The following ISM2 variants were observed in gnomAD, a reference collection of about 807,000 sequenced individuals.
ISM2 encodes isthmin 2.
ISM2 carries 50 observed loss-of-function variants against 58.0 expected under a neutral mutation model. The ratio of observed to expected loss-of-function variants is 0.86; its 90% CI spans 0.69 to 1.09. The LOEUF is 1.09. Ranked by LOEUF, ISM2 falls within the 50% of genes least tolerant of loss-of-function variation. The pLI is 0.00. For synonymous variants in ISM2, 303 were observed against 312.4 expected, an observed-to-expected ratio of 0.97 and a Z score of 0.32; for missense variants, 723 against 745.0, an observed-to-expected ratio of 0.97 and a Z score of 0.34.
At chr14:77,492,378 T>A (rs1368908143) in intron 1 of ISM2, among the ~76,000 whole-genome samples, 1 of 152,076 alleles carries the variant, frequency 6.6e-6, no homozygotes, top group Admixed American at 6.6e-5. Context: ...AGTTTTCTCA[T>A]CCCTAAAATG....
rs1312201016 is a variant in ISM2 at position 77,476,089 on chromosome 14, G to T, written c.1222C>A (p.Leu408Met). The T allele has an allele frequency of 6.6e-7, 1 of 1,526,198 alleles. No individual in the cohort carries two copies. The highest frequency in any genetic ancestry group is 1.3e-5 in the South Asian group (1 of 79,296). The allele number at this position is 1,526,198 out of a possible 1,614,324, so 94.5% of individuals were successfully genotyped here. A position where few individuals can be genotyped will look rare whatever the true frequency, so the allele number is the denominator to read the frequency against. The change falls in exon 7 of 7, where the codon CTG becomes ATG. Residue 408 changes from leucine (L) to methionine (M), a missense_variant. Transcript: ENST00000342219. ...DQDVDSCEKW[L>M]NCKSDFLIKY... ...ATTAGGAAGTCGCTCTTGCAGTTCA[G>T]CCACTTCTCACAGCTGTCCACATCT... is the stretch of plus-strand genomic sequence containing the variant.
intron 1 of ISM2, 34 bp from the exon 2 acceptor site, chr14:77,484,953 T>A (rs1490503951): frequency 1.3e-6 from 2 of 1,525,804 alleles, no homozygotes; most frequent in Non-Finnish European, 1.8e-6. Context: ...AGGTAACAGG[T>A]CAGGGCTCAC....
chr14:77,482,406 G>T lies in ISM2; in HGVS notation c.889C>A (p.Leu297Ile). The change falls in exon 4 of 7, where the codon CTC (leucine) becomes ATC (isoleucine). Residue 297 changes from leucine to isoleucine, a missense_variant. Leu to Ile is a conservative substitution (Grantham distance 5). Coordinates refer to ENST00000342219, the MANE Select transcript of ISM2 (RefSeq NM_199296.3). ...TTGTCTGTAGTTCCATTGAACCAGA[G>T]CGCCTGCTCTTCCTCATCTTCCTCT... ...DKEEDEEEQA[L>I]WFNGTTDNWD... 1 of 1,614,176 alleles carries T rather than the reference G, an allele frequency of 6.2e-7. No homozygotes were observed. The highest frequency in any genetic ancestry group is 8.5e-7 in the Non-Finnish European group (1 of 1,180,026).
chr14:77,497,281 T>C (rs1185040365), intron 1 of ISM2, among the ~76,000 whole-genome samples: 1 of 145,518 alleles, frequency 6.9e-6, no homozygotes, highest in Non-Finnish European at 1.5e-5. Flanking sequence ...GGCAGGAGAA[T>C]AGCTTGAACT....
rs775089893 is a variant in ISM2 at position 77,475,726 on chromosome 14, G to A, written c.1585C>T (p.Pro529Ser). Residue 529 changes from proline to serine, a missense_variant, in exon 7 of 7, where the codon CCC (proline) becomes TCC (serine). Pro to Ser is a moderately conservative substitution (Grantham distance 74). Transcript: ENST00000342219. This position sits in a 1 kb window ranked among gnomAD's most constrained non-coding sequence, Gnocchi z 4.1. Reference protein sequence around the residue: ...PKLHFKFDTTPWILCKGDWSR... With the variant: ...PKLHFKFDTTSWILCKGDWSR... ...CAGTCCCCCTTGCACAGGATCCAGG[G>A]CGTCGTGTCGAACTTGAAGTGCAGC... The A allele has an allele frequency of 1.2e-6, 2 of 1,614,112 alleles. No homozygotes were observed. The highest frequency in any genetic ancestry group is 8.5e-7 in the Non-Finnish European group (1 of 1,180,038).
rs1485288813 is a variant in ISM2 at position 77,475,835 on chromosome 14, G to A, written c.1476C>T (p.Cys492=). ...GCAGCCGGCTGTCCTCGTCATAGCA[G>A]CAGTGCTGGGCGGCCAGTGTGCTGC... ...GESSTLAAQH[C]CYDEDSRLLT... Residue 492 remains cysteine, a synonymous_variant, in exon 7 of 7, where the codon TGC becomes TGT. Transcript: ENST00000342219. The surrounding 1 kb of genome is among the most constrained non-coding windows in gnomAD (Gnocchi z 4.1). 6.2e-7 allele frequency: 1 copy of A among 1,611,592 alleles called. No homozygotes were observed. Among genetic ancestry groups the A allele is most frequent in the East Asian group, 2.2e-5 (1 of 44,872 alleles).
At chr14:77,497,737 A>AGTAGGGAAGGAGGGAG in intron 1 of ISM2, among the ~76,000 whole-genome samples, 1 of 46,350 alleles carries the variant, frequency 2.2e-5, no homozygotes, top group South Asian at 1.0e-3. Flanking sequence ...GTAGGAAGGA[A>AGTAGGGAAGGAGGGAG]GGAGGGAGGG....
At chr14:77,498,484 C>G (rs2079262247) in intron 1 of ISM2, 169 bp downstream of exon 1, 2 of 1,210,326 alleles carry the variant, frequency 1.7e-6, no homozygotes, top group Admixed American at 2.2e-5. Context: ...TCCGGCGCAC[C>G]TGGGCAACGC....
chr14:77,482,259 C>T, intron 4 of ISM2, 63 bp downstream of exon 4: 2 of 1,296,424 alleles, frequency 1.5e-6, no homozygotes, highest in South Asian at 1.4e-5. Flanking sequence ...CTCTCCCTCA[C>T]CCCCATTTCC....
rs553778326 is a variant in ISM2 at position 77,497,679 on chromosome 14, G to C, written c.141+974C>G. On this transcript the variant is annotated intron_variant, in intron 1 of 6. Coordinates refer to ENST00000342219, the MANE Select transcript of ISM2 (RefSeq NM_199296.3). ...ACCGCACTCCAGCCTGGGTGACAGA[G>C]AGAGATCCTGTCCCAAAAATAAAAT... 9.1e-4 allele frequency among the ~76,000 whole-genome samples: 136 copies of C among 149,528 alleles called. 1 individual carries two copies. The highest frequency in any genetic ancestry group is 3.3e-3 in the African/African-American group (132 of 40,594).
At position 77,498,754 on chromosome 14, in the gene ISM2, C is replaced by T; in HGVS notation, c.40G>A (p.Val14Met). The change falls in exon 1 of 7, where the codon GTG (valine) becomes ATG (methionine). Residue 14 changes from valine to methionine, a missense_variant. Transcript: ENST00000342219. ...LRDRAGLLLCVLLLAALLEAA... is the reference protein window; with the variant it reads ...LRDRAGLLLCMLLLAALLEAA... ...TCCAGCAGCGCCGCCAGCAGCAGCACGCAGAGGAGGAGCCCGGCTCGGTCG... is the reference window on the plus strand; with the variant it reads ...TCCAGCAGCGCCGCCAGCAGCAGCATGCAGAGGAGGAGCCCGGCTCGGTCG... The T allele has an allele frequency of 6.8e-7, 1 of 1,479,638 alleles. No individual in the cohort carries two copies. The highest frequency in any genetic ancestry group is 3.0e-5 in the East Asian group (1 of 33,886). The allele number at this position is 1,479,638 out of a possible 1,614,324, so 91.7% of individuals were successfully genotyped here. A position where few individuals can be genotyped will look rare whatever the true frequency, so the allele number is the denominator to read the frequency against.
intron 1 of ISM2, among the ~76,000 whole-genome samples, chr14:77,495,770 C>A (rs527626879): frequency 1.3e-5 from 2 of 152,004 alleles, no homozygotes; most frequent in African/African-American, 4.8e-5. Flanking sequence ...ACGAGGGTGC[C>A]GAGGCTGAGA....
Position 77,498,740 on chromosome 14 carries a change from C to G in ISM2, c.54G>C (p.Ala18=), listed in dbSNP as rs1174325548. The G allele has an allele frequency of 6.8e-7, 1 of 1,481,476 alleles. No individual in the cohort carries two copies. The highest frequency in any genetic ancestry group is 1.3e-5 in the South Asian group (1 of 78,782). The allele number at this position is 1,481,476 out of a possible 1,614,324, so 91.8% of individuals were successfully genotyped here. A position where few individuals can be genotyped will look rare whatever the true frequency, so the allele number is the denominator to read the frequency against. ...GCCCTAGCGCCGCCTCCAGCAGCGCCGCCAGCAGCAGCACGCAGAGGAGGA... is the reference window on the plus strand; with the variant it reads ...GCCCTAGCGCCGCCTCCAGCAGCGCGGCCAGCAGCAGCACGCAGAGGAGGA... The part of the protein sequence containing the change: ...AGLLLCVLLL[A]ALLEAALGLP... Residue 18 remains alanine, a synonymous_variant, in exon 1 of 7, where the codon GCG becomes GCC. Transcript: ENST00000342219.
intron 1 of ISM2, among the ~76,000 whole-genome samples, chr14:77,492,228 ATGCCAAGGTCTTCCCT>A (rs550433662): frequency 9.2e-5 from 14 of 151,968 alleles, no homozygotes; most frequent in Admixed American, 8.5e-4. Flanking sequence ...TCTTTCTCCC[ATGCCAAGGTCTTCCCT>A]TGCCTGCCAG....
At position 77,478,577 on chromosome 14, in the gene ISM2, G is replaced by A; in HGVS notation, c.1112C>T (p.Pro371Leu). ...GCAGGGGTAGGGGCTCATCTCACCA[G>A]GACAGGAGGGCAGGTCACAGGTACG... ...ETRTCDLPSC[P>L]GTEDKDTLGL... is the part of the protein sequence containing the mutation. The change falls in exon 5 of 7, where the codon CCT becomes CTT. Residue 371 changes from proline to leucine, a missense_variant and splice_region_variant. Coordinates refer to ENST00000342219, the MANE Select transcript of ISM2 (RefSeq NM_199296.3). The A allele has an allele frequency of 6.2e-7, 1 of 1,612,666 alleles. No homozygotes were observed. Among genetic ancestry groups the A allele is most frequent in the Non-Finnish European group, 8.5e-7 (1 of 1,178,984 alleles).
In ISM2 at chr14:77,475,937, G is replaced by T. The variant is rs746382962; in HGVS notation, c.1374C>A (p.Ala458=). The T allele has an allele frequency of 6.3e-7, 1 of 1,599,566 alleles. No homozygotes were observed. Among genetic ancestry groups the T allele is most frequent in the Non-Finnish European group, 8.5e-7 (1 of 1,179,722 alleles). The part of the protein sequence containing the change: ...HQGRSFRWRD[A]SGPRERLDIY... ...TGTCCAGGCGCTCGCGAGGGCCACT[G>T]GCATCCCTCCACCGGAAGCTGCGGC... Residue 458 remains alanine, a synonymous_variant, in exon 7 of 7, where the codon GCC becomes GCA. Transcript: ENST00000342219. This position sits in a 1 kb window ranked among gnomAD's most constrained non-coding sequence, Gnocchi z 4.1.
intron 4 of ISM2, among the ~76,000 whole-genome samples, chr14:77,480,562 T>TCC: frequency 7.0e-6 from 1 of 143,122 alleles, no homozygotes; most frequent in African/African-American, 2.6e-5. Flanking sequence ...TTTTTTTTTT[T>TCC]TTTTTTTTTT....
At chr14:77,491,986 G>C (rs1241455255) in intron 1 of ISM2, among the ~76,000 whole-genome samples, 4 of 150,300 alleles carry the variant, frequency 2.7e-5, no homozygotes, top group African/African-American at 7.3e-5. Flanking sequence ...GTGAGCCACC[G>C]CCCAGCCCCC....
At chr14:77,479,434 A>T (rs2079118964) in intron 4 of ISM2, among the ~76,000 whole-genome samples, 1 of 144,012 alleles carries the variant, frequency 6.9e-6, no homozygotes. Context: ...CCCAGGCTGG[A>T]GTGCAGTGGC....
Sources: allele counts gnomAD v4.1 joint callset (sites outside exome capture counted in the v4.1 genomes callset), GRCh38; gene constraint gnomAD v4.1.1; non-coding constraint Gnocchi (gnomAD v3.1); transcripts MANE v1.5; gene names NCBI Gene and HGNC (gene_info 2026-07-23, HGNC 2026-07-21).